RARS1: variants seen among roughly 807,000 people sequenced by gnomAD.
The protein encoded by RARS1 is arginine--tRNA ligase, cytoplasmic.
In RARS1, 75 loss-of-function variants were observed where a neutral mutation model predicts 78.7. The observed-to-expected ratio is 0.95, with a 90% confidence interval of 0.79 to 1.15. RARS1 has a LOEUF of 1.15. RARS1 is among the 50% of genes most tolerant of loss of function. The pLI is 0.00. For missense variants in RARS1, 787 were observed against 787.5 expected (o/e 1.00, Z 0.01); for synonymous variants, 273 against 268.2 (o/e 1.02, Z -0.18).
intron 3 of RARS1, 77 bp from the exon 4 acceptor site, chr5:168,493,817 G>A (rs1466383023): frequency 4.5e-6 from 5 of 1,115,910 alleles, no homozygotes; most frequent in Admixed American, 3.9e-5. Flanking sequence ...AATGCATCTC[G>A]TGCCTTGTCA....
Position 168,506,015 on chromosome 5 carries a change from C to G in RARS1, c.1058-6C>G, listed in dbSNP as rs1582437196. On this transcript the variant is annotated splice_polypyrimidine_tract_variant and splice_region_variant and intron_variant, in intron 9 of 14. Coordinates refer to ENST00000231572, the MANE Select transcript of RARS1 (RefSeq NM_002887.4). ...CTTTATTAATGAAGTGTTTTTTACC[C>G]CCTAGGATTTGTGCAGGTGGATGAT... The G allele has an allele frequency of 2.5e-6, 4 of 1,589,968 alleles. No homozygotes were observed. The highest frequency in any genetic ancestry group is 3.4e-6 in the Non-Finnish European group (4 of 1,171,512).
chr5:168,509,346 A>G (rs1758516446), intron 11 of RARS1, among the ~76,000 whole-genome samples: 2 of 152,124 alleles, frequency 1.3e-5, no homozygotes, highest in Non-Finnish European at 2.9e-5. Context: ...AGCTCTGGAA[A>G]TAAAACTTTA....
chr5:168,515,403 C>A (rs1356847612), intron 12 of RARS1, among the ~76,000 whole-genome samples: 1 of 152,162 alleles, frequency 6.6e-6, no homozygotes, highest in Non-Finnish European at 1.5e-5. Context: ...CCTTCCACCT[C>A]AGACTCCCAA....
chr5:168,509,883 A>G (rs1758532593), intron 11 of RARS1, among the ~76,000 whole-genome samples: 1 of 152,138 alleles, frequency 6.6e-6, no homozygotes, highest in Admixed American at 6.5e-5. Flanking sequence ...AGGTAGAAGT[A>G]TTACTTAAGC....
At position 168,497,249 on chromosome 5, in the gene RARS1, G is replaced by C. The variant is rs1309093466; in HGVS notation, c.723G>C (p.Trp241Cys). ...DVLRLNHVGDWGTQFGMLIAH... is the reference protein window; with the variant it reads ...DVLRLNHVGDCGTQFGMLIAH... The stretch of plus-strand genomic sequence containing the variant: ...TTAGGTTAAATCATGTAGGAGACTG[G>C]GGGACCCAGTTTGGCATGCTCATCG... The change falls in exon 7 of 15, where the codon TGG (tryptophan) becomes TGC (cysteine). Residue 241 changes from tryptophan to cysteine, a missense_variant. Transcript: ENST00000231572. The C allele has an allele frequency of 6.3e-7, 1 of 1,577,504 alleles. No individual in the cohort carries two copies. Among genetic ancestry groups the C allele is most frequent in the East Asian group, 2.3e-5 (1 of 44,024 alleles).
At chr5:168,500,200 CAAAAAAAAAAA>C (rs36015007) in intron 7 of RARS1, among the ~76,000 whole-genome samples, 14 of 47,782 alleles carry the variant, frequency 2.9e-4, no homozygotes, top group African/African-American at 8.9e-4. Context: ...GACTCTGTCT[CAAAAAAAAAAA>C]AAAAAAAAAA....
intron 9 of RARS1, 35 bp from the exon 10 acceptor site, chr5:168,505,986 T>A (rs1214021902): frequency 1.3e-6 from 2 of 1,547,820 alleles, no homozygotes; most frequent in Admixed American, 4.0e-5. Context: ...CAGGGTTCTT[T>A]TAACTTTATT....
chr5:168,504,119 T>G (rs990783400), intron 9 of RARS1, among the ~76,000 whole-genome samples: 46 of 149,714 alleles, frequency 3.1e-4, no homozygotes, highest in Non-Finnish European at 6.2e-4. Flanking sequence ...TGGCAGCTCG[T>G]GACAGTAATC....
Position 168,513,211 on chromosome 5 carries a change from A to C in RARS1, c.1452+2525A>C, listed in dbSNP as rs12654784. 1.9e-4 allele frequency among the ~76,000 whole-genome samples: 28 copies of C among 146,412 alleles called. No individual in the cohort carries two copies. In the East Asian group the frequency reaches 5.6e-3, roughly 29 times the overall value. On this transcript the variant is annotated intron_variant, in intron 12 of 14. Transcript: ENST00000231572. ...CAGGCACCCACCATCACGCCCTGCT[A>C]ATTTTTTGTATTTTTTTTTTTTTTT...
chr5:168,495,567 T>G, intron 6 of RARS1, 131 bp downstream of exon 6: 1 of 1,365,296 alleles, frequency 7.3e-7, no homozygotes, highest in Non-Finnish European at 9.7e-7. Flanking sequence ...TAGTTCTTCT[T>G]TACAACCACC....
At chr5:168,488,517 T>C (rs1758015238) in intron 1 of RARS1, 85 bp from the exon 2 acceptor site, 1 of 1,390,514 alleles carries the variant, frequency 7.2e-7, no homozygotes, top group South Asian at 1.4e-5. Context: ...CATTAATGAT[T>C]CCCATGGTCT....
Position 168,495,161 on chromosome 5 carries a change from T to G in RARS1, c.580-154T>G, listed in dbSNP as rs1336918655. ...CATCATAAAATCAAACATGGTTGAATTACGGCCCAAATTAATGTTTAAGTC... is the reference window on the plus strand; with the variant it reads ...CATCATAAAATCAAACATGGTTGAAGTACGGCCCAAATTAATGTTTAAGTC... On this transcript the variant is annotated intron_variant, in intron 5 of 14. Coordinates refer to ENST00000231572, the MANE Select transcript of RARS1 (RefSeq NM_002887.4). 4.6e-6 allele frequency: 6 copies of G among 1,308,186 alleles called. No homozygotes were observed. The East Asian group carries it at 1.5e-4, about 33-fold the overall frequency. The allele number at this position is 1,308,186 out of a possible 1,614,324, so 81.0% of individuals were successfully genotyped here.
intron 9 of RARS1, among the ~76,000 whole-genome samples, chr5:168,504,595 G>A (rs1758399470): frequency 2.0e-5 from 3 of 151,888 alleles, no homozygotes; most frequent in Admixed American, 2.0e-4. Context: ...GGGAGGCCGA[G>A]GCAGGCGGAT....
In RARS1 at chr5:168,517,918, T is replaced by C. The variant is rs762967172; in HGVS notation, c.1729T>C (p.Cys577Arg). The change falls in exon 14 of 15, where the codon TGC (cysteine) becomes CGC (arginine). Residue 577 changes from cysteine (C) to arginine (R), a missense_variant. Cys to Arg is a radical substitution (Grantham distance 180). Transcript: ENST00000231572. The part of the protein sequence containing the change: ...DHEKEWKLGR[C>R]ILRFPEILQK... The stretch of plus-strand genomic sequence containing the variant: ...TGAGAAGGAATGGAAACTAGGCCGG[T>C]GCATTTTACGGTTCCCTGAGATTCT... The C allele has an allele frequency of 5.0e-6, 8 of 1,613,868 alleles. No individual in the cohort carries two copies. Among genetic ancestry groups the C allele is most frequent in the East Asian group, 4.5e-5 (2 of 44,876 alleles).
At position 168,486,552 on chromosome 5, in the gene RARS1, G is replaced by A; in HGVS notation, c.45+9G>A. 1.3e-6 allele frequency: 2 copies of A among 1,555,652 alleles called. No individual in the cohort carries two copies. The highest frequency in any genetic ancestry group is 1.7e-6 in the Non-Finnish European group (2 of 1,148,838). ...CGCGGCTGCTGCAGCAGGTTTGGAC[G>A]CAGGAGACCGGCGGGAAGGCCTGAA... On this transcript the variant is annotated intron_variant, in intron 1 of 14. Coordinates refer to ENST00000231572, the MANE Select transcript of RARS1 (RefSeq NM_002887.4).
intron 5 of RARS1, 29 bp from the exon 6 acceptor site, chr5:168,495,286 A>G: frequency 6.2e-7 from 1 of 1,609,158 alleles, no homozygotes; most frequent in Non-Finnish European, 8.5e-7. Flanking sequence ...TGCCCCTCTT[A>G]ACAGCCTTTC....
At chr5:168,499,217 G>T (rs1455031421) in intron 7 of RARS1, among the ~76,000 whole-genome samples, 1 of 151,852 alleles carries the variant, frequency 6.6e-6, no homozygotes, top group Non-Finnish European at 1.5e-5. Context: ...AGGCGGAGGT[G>T]GGAGGATCAC....
intron 11 of RARS1, among the ~76,000 whole-genome samples, chr5:168,509,107 C>G (rs1758511601): frequency 6.6e-6 from 1 of 151,988 alleles, no homozygotes; most frequent in Non-Finnish European, 1.5e-5. Context: ...TAGGGAGTAA[C>G]TGAAAGGAAC....
Position 168,510,627 on chromosome 5 carries a change from C to T in RARS1, c.1393C>T (p.Leu465Phe). The change falls in exon 12 of 15, where the codon CTT becomes TTT. Residue 465 changes from leucine to phenylalanine, a missense_variant. By Grantham distance (22) the Leu-to-Phe change is conservative. Coordinates refer to ENST00000231572, the MANE Select transcript of RARS1 (RefSeq NM_002887.4). The stretch of plus-strand genomic sequence containing the variant: ...GGGTGAAACAGTGCGCCTCATGGAT[C>T]TTCTGGGAGAAGGACTAAAACGATC... ...RSGETVRLMD[L>F]LGEGLKRSMD... is the part of the protein sequence containing the mutation. 6.2e-7 allele frequency: 1 copy of T among 1,610,736 alleles called. No homozygotes were observed. Among genetic ancestry groups the T allele is most frequent in the South Asian group, 1.1e-5 (1 of 90,020 alleles).
Sources: gnomAD v4.1 joint callset for allele counts (sites outside exome capture counted in the v4.1 genomes callset) on GRCh38, gnomAD v4.1.1 for gene constraint, MANE v1.5 for transcripts, NCBI Gene and HGNC (gene_info 2026-07-23, HGNC 2026-07-21) for gene names.